Variants in CASD1 observed in about 807,000 individuals in gnomAD.
The protein encoded by CASD1 is CAS1 domain sialic acid O acetyltransferase 1, also known as N-acetylneuraminate (7)9-O-acetyltransferase.
In CASD1, 41 loss-of-function variants were observed where a neutral mutation model predicts 100.0. That is an observed-to-expected ratio of 0.41 (90% CI 0.32 to 0.53). The LOEUF (loss-of-function observed/expected upper bound fraction) is 0.53. Ranked by LOEUF, CASD1 falls within the 20% of genes least tolerant of loss-of-function variation. CASD1 has a pLI of 0.25. For missense variants in CASD1, 774 were observed against 948.7 expected, an observed-to-expected ratio of 0.82 and a Z score of 2.42; for synonymous variants, 321 against 315.6, an observed-to-expected ratio of 1.02 and a Z score of -0.18.
intron 3 of CASD1, among the ~76,000 whole-genome samples, chr7:94,525,560 A>G (rs1794522203): frequency 1.3e-5 from 2 of 152,228 alleles, no homozygotes; most frequent in Admixed American, 1.3e-4. Context: ...GAAGAAAGAG[A>G]TCGAGTTGCA....
At chr7:94,612,094 A>G in the CASD1 span, among the ~76,000 whole-genome samples, 2 of 152,164 alleles carry the variant, frequency 1.3e-5, no homozygotes, top group Admixed American at 1.3e-4. Context: ...TAATTGTGAA[A>G]TATATTTGTA....
At position 94,532,093 on chromosome 7, in the gene CASD1, T is replaced by C. The variant is rs115398690; in HGVS notation, c.460-1112T>C. Among the ~76,000 whole-genome samples, 201 of 152,248 alleles carry C rather than the reference T, an allele frequency of 1.3e-3. 1 individual carries two copies. Among genetic ancestry groups the C allele is most frequent in the African/African-American group, 4.3e-3 (178 of 41,528 alleles). On this transcript the variant is annotated intron_variant, in intron 5 of 17. Coordinates refer to ENST00000297273, the MANE Select transcript of CASD1 (RefSeq NM_022900.5). The stretch of plus-strand genomic sequence containing the variant: ...AATATAATTGTACTGTAATATACTA[T>C]TGCTATATATTATAAATAGTATACA...
At chr7:94,618,604 A>G in the CASD1 span, 1 of 634,160 alleles carries the variant, frequency 1.6e-6, no homozygotes, top group East Asian at 2.8e-5. Context: ...ATCTTTGCCA[A>G]TATAGAAAAT....
the CASD1 span, among the ~76,000 whole-genome samples, chr7:94,586,104 T>C: frequency 2.9e-5 from 3 of 104,828 alleles, no homozygotes; most frequent in African/African-American, 1.1e-4. Context: ...CTTCAAGATA[T>C]ACTTTCCCCT....
chr7:94,523,418 T>C (rs754046817), intron 3 of CASD1, among the ~76,000 whole-genome samples: 1 of 152,158 alleles, frequency 6.6e-6, no homozygotes, highest in Non-Finnish European at 1.5e-5. Flanking sequence ...ATGCCAACAA[T>C]GTAAAGTTCT....
the CASD1 span, among the ~76,000 whole-genome samples, chr7:94,562,569 C>T: frequency 4.6e-5 from 7 of 152,036 alleles, no homozygotes; most frequent in Middle Eastern, 3.2e-3. Context: ...AAAATAAGGC[C>T]GAAAGTTCTC....
chr7:94,515,011 G>GT (rs562564564), intron 1 of CASD1, among the ~76,000 whole-genome samples: 57 of 151,960 alleles, frequency 3.8e-4, no homozygotes, highest in Non-Finnish European at 7.7e-4. Context: ...ATTTTATGGA[G>GT]TTTTTTCTGG....
intron 5 of CASD1, among the ~76,000 whole-genome samples, chr7:94,532,283 CTAA>C (rs1471789919): frequency 5.3e-5 from 8 of 152,008 alleles, no homozygotes; most frequent in African/African-American, 1.7e-4. Flanking sequence ...ACAGCAATAA[CTAA>C]TAATAAAATA....
intron 2 of CASD1, 85 bp downstream of exon 2, chr7:94,517,741 A>G (rs1368832435): frequency 1.3e-6 from 1 of 785,304 alleles, no homozygotes; most frequent in Admixed American, 2.3e-5. Flanking sequence ...AGTACTTTTC[A>G]TCTCTATGTT....
chr7:94,567,220 T>C, the CASD1 span, among the ~76,000 whole-genome samples: 1 of 152,158 alleles, frequency 6.6e-6, no homozygotes, highest in Non-Finnish European at 1.5e-5. Context: ...AGGCTAGAAC[T>C]CATCCATCTT....
rs146201101 is a variant in CASD1 at position 94,514,246 on chromosome 7, C to G, written c.134-3314C>G. Among the ~76,000 whole-genome samples the G allele has an allele frequency of 3.0e-3, 457 of 152,054 alleles. 3 individuals carry two copies. The highest frequency in any genetic ancestry group is 0.01 in the African/African-American group (426 of 41,426). On this transcript the variant is annotated intron_variant, in intron 1 of 17. Transcript: ENST00000297273. ...AAGCAGCAGCTCTGGGTCTCTTAGC[C>G]TTTTCTTTCTTTGACTGTTAGAAAG...
the CASD1 span, chr7:94,585,093 C>T: frequency 6.1e-6 from 1 of 164,860 alleles, no homozygotes; most frequent in Non-Finnish European, 1.3e-5. Context: ...GAGGCACAGG[C>T]ATTTTATATA....
At chr7:94,538,127 C>T (rs944936231) in intron 9 of CASD1, among the ~76,000 whole-genome samples, 2 of 152,026 alleles carry the variant, frequency 1.3e-5, no homozygotes, top group Admixed American at 1.3e-4. Flanking sequence ...GGAAATATGA[C>T]CTGTGAAAAA....
chr7:94,538,267 G>A (rs1795213861), intron 9 of CASD1, among the ~76,000 whole-genome samples: 1 of 152,054 alleles, frequency 6.6e-6, no homozygotes, highest in Non-Finnish European at 1.5e-5. Flanking sequence ...ATTAACAAAT[G>A]CCTATGCACA....
the CASD1 span, among the ~76,000 whole-genome samples, chr7:94,616,377 T>C: frequency 6.6e-6 from 1 of 152,226 alleles, no homozygotes; most frequent in Non-Finnish European, 1.5e-5. Flanking sequence ...CTAAGACTTA[T>C]GCTAAGTATT....
chr7:94,540,012 A>G (rs1250281557), intron 10 of CASD1, among the ~76,000 whole-genome samples: 1 of 152,060 alleles, frequency 6.6e-6, no homozygotes, highest in Non-Finnish European at 1.5e-5. Context: ...GGAAAAAATA[A>G]GTTTTTTCCT....
the CASD1 span, among the ~76,000 whole-genome samples, chr7:94,592,817 A>T: frequency 6.6e-6 from 1 of 152,184 alleles, no homozygotes. Flanking sequence ...AAGCAAAATG[A>T]TGATTTGCAT....
chr7:94,612,502 G>A, the CASD1 span, among the ~76,000 whole-genome samples: 1 of 151,934 alleles, frequency 6.6e-6, no homozygotes, highest in Non-Finnish European at 1.5e-5. Flanking sequence ...ATAGTTTTAT[G>A]GCAGTATAAT....
the CASD1 span, among the ~76,000 whole-genome samples, chr7:94,582,427 T>A: frequency 6.6e-6 from 1 of 152,282 alleles, no homozygotes; most frequent in Admixed American, 6.5e-5. Flanking sequence ...CTGGCCAGCT[T>A]TTTTTCATAT....
Sources: gnomAD v4.1 joint callset for allele counts (sites outside exome capture counted in the v4.1 genomes callset) on GRCh38, gnomAD v4.1.1 for gene constraint, MANE v1.5 for transcripts, NCBI Gene and HGNC (gene_info 2026-07-23, HGNC 2026-07-21) for gene names.